CAST: variants seen among roughly 807,000 people sequenced by gnomAD.
The protein encoded by CAST is MIR583 host.
Under a neutral mutation model 119.6 loss-of-function variants are expected in CAST, and 76 were observed. That is an observed-to-expected ratio of 0.64 (90% confidence interval 0.53 to 0.77). CAST has a LOEUF of 0.77. Among genes scored for constraint, CAST ranks in the 30% least tolerant of loss-of-function variants. The pLI, the probability that CAST is intolerant of heterozygous loss-of-function variation, is 0.00. For synonymous variants in CAST, 319 were observed against 331.6 expected, an observed-to-expected ratio of 0.96 and a Z score of 0.41; for missense variants, 953 against 946.5, an observed-to-expected ratio of 1.01 and a Z score of -0.09.
intron 19 of CAST, among the ~76,000 whole-genome samples, chr5:96,749,533 TTTTG>T (rs1250368556): frequency 3.3e-5 from 5 of 152,116 alleles, no homozygotes; most frequent in Non-Finnish European, 5.9e-5. Context: ...CTTCTGTTCT[TTTTG>T]TTTGTTTGTT....
At chr5:96,094,027 T>C in the CAST span, among the ~76,000 whole-genome samples, 1 of 152,024 alleles carries the variant, frequency 6.6e-6, no homozygotes, top group South Asian at 2.1e-4. Context: ...AAGGCATGCC[T>C]TATTTCCCTC....
the CAST span, chr5:96,432,724 G>A: frequency 5.8e-6 from 4 of 693,146 alleles, no homozygotes; most frequent in African/African-American, 5.4e-5. Context: ...CGACAGGGGC[G>A]AGGGCTGGAG....
chr5:96,731,523 T>G (rs1183497394), intron 9 of CAST, among the ~76,000 whole-genome samples: 1 of 150,920 alleles, frequency 6.6e-6, no homozygotes, highest in African/African-American at 2.4e-5. Flanking sequence ...TCATTATACT[T>G]TAAGTTTTAG....
the CAST span, among the ~76,000 whole-genome samples, chr5:96,170,369 C>T: frequency 1.3e-5 from 2 of 152,304 alleles, no homozygotes; most frequent in African/African-American, 2.4e-5. Flanking sequence ...TCTGGAGGAA[C>T]CCCTGGCAGC....
At chr5:96,021,138 A>G in the CAST span, among the ~76,000 whole-genome samples, 1 of 152,052 alleles carries the variant, frequency 6.6e-6, no homozygotes, top group African/African-American at 2.4e-5. Context: ...GCATCATCCA[A>G]TATAGTAGAG....
At chr5:96,264,269 G>A in the CAST span, among the ~76,000 whole-genome samples, 19 of 152,182 alleles carry the variant, frequency 1.2e-4, no homozygotes, top group African/African-American at 3.9e-4. Flanking sequence ...TATGGGTAAA[G>A]TAAATGTTTA....
chr5:96,227,177 T>TA, the CAST span, among the ~76,000 whole-genome samples: 2 of 152,130 alleles, frequency 1.3e-5, no homozygotes, highest in Non-Finnish European at 2.9e-5. Flanking sequence ...TAATTCTCTG[T>TA]AAAAAATGAA....
intron 3 of CAST, among the ~76,000 whole-genome samples, chr5:96,707,916 C>A (rs1394007672): frequency 6.6e-6 from 1 of 152,106 alleles, no homozygotes; most frequent in Non-Finnish European, 1.5e-5. Flanking sequence ...GGAGCTTAGC[C>A]TCCTGCACAT....
At chr5:96,360,499 T>C in the CAST span, among the ~76,000 whole-genome samples, 1,063 of 152,248 alleles carry the variant, frequency 7.0e-3, 17 homozygotes, top group African/African-American at 0.024. Context: ...TTGATGACCT[T>C]TGGATGGGGT....
the CAST span, among the ~76,000 whole-genome samples, chr5:96,339,922 A>G: frequency 2.0e-5 from 3 of 152,164 alleles, no homozygotes; most frequent in Admixed American, 1.3e-4. Flanking sequence ...TAGACAGGCT[A>G]TAGGTGGAAA....
chr5:96,596,391 C>T (rs1302103651), intron 1 of CAST, among the ~76,000 whole-genome samples: 3 of 152,160 alleles, frequency 2.0e-5, no homozygotes, highest in Admixed American at 2.0e-4. Flanking sequence ...GACAGATTCT[C>T]CCCTCAGAAC....
At chr5:96,026,766 A>G in the CAST span, among the ~76,000 whole-genome samples, 10 of 152,222 alleles carry the variant, frequency 6.6e-5, no homozygotes, top group Non-Finnish European at 4.4e-5. Flanking sequence ...TTCATTTCCC[A>G]CTAGTGCTAA....
At chr5:96,481,362 A>G in the CAST span, among the ~76,000 whole-genome samples, 2 of 152,186 alleles carry the variant, frequency 1.3e-5, no homozygotes, top group South Asian at 4.1e-4. Context: ...ATTTTCTAGC[A>G]TTTTAAATAA....
At chr5:96,497,977 G>A in the CAST span, among the ~76,000 whole-genome samples, 1 of 152,176 alleles carries the variant, frequency 6.6e-6, no homozygotes, top group African/African-American at 2.4e-5. Context: ...TTTTCTTCTA[G>A]GGTTTTTATG....
chr5:96,536,628 A>G (rs1444234688), intron 1 of CAST, among the ~76,000 whole-genome samples: 1 of 152,330 alleles, frequency 6.6e-6, no homozygotes, highest in Non-Finnish European at 1.5e-5. Context: ...ATGGATTTCC[A>G]GAGTGATGAT....
At chr5:96,067,758 T>C in the CAST span, among the ~76,000 whole-genome samples, 2 of 152,064 alleles carry the variant, frequency 1.3e-5, no homozygotes, top group South Asian at 4.1e-4. Context: ...TAGATTTGAC[T>C]CCCTTTAATC....
At chr5:96,660,354 C>T (rs544441538), upstream of CAST, among the ~76,000 whole-genome samples, 2 of 152,204 alleles carry the variant, frequency 1.3e-5, no homozygotes, top group Non-Finnish European at 2.9e-5. Flanking sequence ...TATCCCTACA[C>T]CATCATGTGT....
chr5:96,093,278 G>C, the CAST span, among the ~76,000 whole-genome samples: 10 of 152,314 alleles, frequency 6.6e-5, no homozygotes, highest in South Asian at 2.1e-3. Flanking sequence ...ATATACAGCT[G>C]TTTTGTTAAG....
chr5:96,588,496 G>A (rs929840327), intron 1 of CAST, among the ~76,000 whole-genome samples: 16 of 152,026 alleles, frequency 1.1e-4, no homozygotes, highest in African/African-American at 2.9e-4. Flanking sequence ...TACGGTACCC[G>A]GCTTAAATTC....
Sources: gnomAD v4.1 joint callset for allele counts (sites outside exome capture counted in the v4.1 genomes callset) on GRCh38, gnomAD v4.1.1 for gene constraint, MANE v1.5 for transcripts, NCBI Gene and HGNC (gene_info 2026-07-23, HGNC 2026-07-21) for gene names.